The following PACS2 variants were observed in gnomAD, a reference collection of about 807,000 sequenced individuals.
PACS2 encodes PACS1-like protein.
A neutral mutation model predicts 113.0 loss-of-function variants in PACS2; 36 were observed. The observed-to-expected ratio is 0.32, with a 90% confidence interval of 0.24 to 0.42. PACS2 has a LOEUF of 0.42. Ranked by LOEUF, PACS2 falls within the 10% of genes least tolerant of loss-of-function variation. The pLI is 1.00. For synonymous variants in PACS2, 589 were observed against 536.1 expected (o/e 1.10, Z -1.36); for missense variants, 1,015 against 1,239.5 (o/e 0.82, Z 2.72).
intron 4 of PACS2, among the ~76,000 whole-genome samples, chr14:105,364,319 G>GCGGTGGGTGGTGTCCCGGGTGCA (rs1481467943): frequency 0.04 from 5,382 of 133,990 alleles, 761 homozygotes; most frequent in African/African-American, 0.19. Flanking sequence ...TCCCGGGTGC[G>GCGGTGGGTGGTGTCCCGGGTGCA]CGGTGGGCGG....
chr14:105,394,715 G>A lies in PACS2; in HGVS notation c.*43G>A. On this transcript the variant is annotated 3_prime_UTR_variant, in exon 25 of 25. Coordinates refer to ENST00000447393, the MANE Select transcript of PACS2 (RefSeq NM_001100913.3). Reference sequence around the variant, plus strand: ...CCCACCTCCTGCCCCATGCTGTGAGGGGCCCAGCTGCATTTCTGTTAACAT... The same window carrying A: ...CCCACCTCCTGCCCCATGCTGTGAGAGGCCCAGCTGCATTTCTGTTAACAT... 8.4e-7 allele frequency: 1 copy of A among 1,187,122 alleles called. No homozygotes were observed. Among genetic ancestry groups the A allele is most frequent in the Non-Finnish European group, 1.3e-6 (1 of 791,172 alleles). 73.5% of individuals were successfully genotyped at this position (1,187,122 alleles called of 1,614,324 possible). A position where few individuals can be genotyped will look rare whatever the true frequency, so the allele number is the denominator to read the frequency against.
intron 9 of PACS2, among the ~76,000 whole-genome samples, chr14:105,377,500 C>A (rs1340615605): frequency 6.6e-6 from 1 of 152,156 alleles, no homozygotes; most frequent in Non-Finnish European, 1.5e-5. Context: ...GGAAGGCAAG[C>A]ACACCAGGCA....
At chr14:105,301,475 G>A (rs2058023779) in intron 1 of PACS2, among the ~76,000 whole-genome samples, 2 of 151,710 alleles carry the variant, frequency 1.3e-5, no homozygotes, top group Non-Finnish European at 2.9e-5. Context: ...TCCTGAGGGC[G>A]ACCTGGGACC....
At chr14:105,393,661 C>G (rs1240842525) in intron 24 of PACS2, 1 of 217,072 alleles carries the variant, frequency 4.6e-6, no homozygotes, top group Non-Finnish European at 9.0e-6. Context: ...GTGATCTCAG[C>G]TCACTGCAAC....
intron 1 of PACS2, among the ~76,000 whole-genome samples, chr14:105,327,660 T>C (rs1032569244): frequency 6.6e-6 from 1 of 152,206 alleles, no homozygotes. Context: ...GCCAGGCTCT[T>C]GGACTGCACC....
chr14:105,374,184 C>G (rs587769446), intron 8 of PACS2, among the ~76,000 whole-genome samples: 27 of 150,356 alleles, frequency 1.8e-4, no homozygotes, highest in African/African-American at 5.9e-4. Flanking sequence ...TGAAATGGAT[C>G]AAATATCTCC....
intron 1 of PACS2, among the ~76,000 whole-genome samples, chr14:105,332,671 C>G (rs2059349313): frequency 6.6e-6 from 1 of 152,196 alleles, no homozygotes. Context: ...TCTGCGGGGC[C>G]TCTGCCTGGT....
At chr14:105,344,330 C>T (rs1428182795) in intron 1 of PACS2, among the ~76,000 whole-genome samples, 1 of 151,608 alleles carries the variant, frequency 6.6e-6, no homozygotes, top group Non-Finnish European at 1.5e-5. Flanking sequence ...TCACTCTGTC[C>T]CCCAGGCTGG....
intron 1 of PACS2, among the ~76,000 whole-genome samples, chr14:105,305,819 C>G (rs780211012): frequency 3.3e-5 from 5 of 152,262 alleles, no homozygotes; most frequent in Non-Finnish European, 7.3e-5. Context: ...CCTCAGAGCA[C>G]CCACACTGGG....
At position 105,329,774 on chromosome 14, in the gene PACS2, C is replaced by T. The variant is rs2059235845; in HGVS notation, c.119+14737C>T. On this transcript the variant is annotated intron_variant, in intron 1 of 24. Coordinates refer to ENST00000447393, the MANE Select transcript of PACS2 (RefSeq NM_001100913.3). The surrounding 1 kb of genome is among the most constrained non-coding windows in gnomAD (Gnocchi z 6.4). ...GACTGCAGGCAGCAGCAAACTCTGC[C>T]GTGTGGTACTGCTTCTCATGGACAG... Among the ~76,000 whole-genome samples, 1 of 152,180 alleles carries T rather than the reference C, an allele frequency of 6.6e-6. No homozygotes were observed. The highest frequency in any genetic ancestry group is 1.5e-5 in the Non-Finnish European group (1 of 68,036).
At chr14:105,346,480 A>G (rs1555402622) in intron 1 of PACS2, among the ~76,000 whole-genome samples, 1 of 36,170 alleles carries the variant, frequency 2.8e-5, no homozygotes, top group East Asian at 8.5e-4. Context: ...CCCCGCCCAC[A>G]CAACATCCCC....
At chr14:105,359,812 C>T (rs1431580005) in intron 4 of PACS2, among the ~76,000 whole-genome samples, 2 of 152,066 alleles carry the variant, frequency 1.3e-5, no homozygotes, top group Non-Finnish European at 2.9e-5. Context: ...AAGATGGTCT[C>T]GATCTCCTGA....
At position 105,320,728 on chromosome 14, in the gene PACS2, C is replaced by T. The variant is rs139764546; in HGVS notation, c.119+5691C>T. The stretch of plus-strand genomic sequence containing the variant: ...TATGTGCTTCCTTTCTTCTGTAGTC[C>T]TTAGCAGATTTTGGCGCTAAGATTT... On this transcript the variant is annotated intron_variant, in intron 1 of 24. Coordinates refer to ENST00000447393, the MANE Select transcript of PACS2 (RefSeq NM_001100913.3). 2.1e-3 allele frequency among the ~76,000 whole-genome samples: 314 copies of T among 152,334 alleles called. 1 individual carries two copies. The highest frequency in any genetic ancestry group is 6.6e-3 in the African/African-American group (276 of 41,574).
intron 2 of PACS2, among the ~76,000 whole-genome samples, chr14:105,349,055 G>C (rs2060051589): frequency 6.6e-6 from 1 of 152,234 alleles, no homozygotes; most frequent in African/African-American, 2.4e-5. Flanking sequence ...CCTCTCGAAG[G>C]CTTTGAACAA....
In PACS2 at chr14:105,382,532, A is replaced by G; in HGVS notation, c.1469A>G (p.Gln490Arg). The part of the protein sequence containing the change: ...QLNHILISDD[Q>R]LPENIILVNT... ...AACCACATCCTCATCTCCGATGACC[A>G]GCTTCCCGAAAACATCATCCTTGTC... The change falls in exon 14 of 25, where the codon CAG becomes CGG. Residue 490 changes from glutamine to arginine, a missense_variant. Physicochemically the swap from Gln to Arg is conservative, Grantham distance 43. Around this residue, in one of 3 missense-constraint regions of PACS2, gnomAD observed 859 missense variants for 1,056.8 expected, o/e 0.81. Transcript: ENST00000447393. 1 of 1,613,614 alleles carries G rather than the reference A, an allele frequency of 6.2e-7. No individual in the cohort carries two copies. Among genetic ancestry groups the G allele is most frequent in the South Asian group, 1.1e-5 (1 of 91,080 alleles).
chr14:105,383,630 C>T (rs587625837), intron 16 of PACS2, 117 bp downstream of exon 16: 17 of 937,774 alleles, frequency 1.8e-5, no homozygotes, highest in South Asian at 3.4e-5. Context: ...CGCGGTGTGT[C>T]GTGGTGTGGC....
chr14:105,375,305 C>T (rs1566953877), intron 8 of PACS2, among the ~76,000 whole-genome samples: 1 of 151,982 alleles, frequency 6.6e-6, no homozygotes, highest in Non-Finnish European at 1.5e-5. Context: ...CGGTGAAACC[C>T]CATCTCTACT....
chr14:105,366,865 G>A lies in PACS2; in HGVS notation c.424-348G>A, dbSNP rs2060959187. ...ACAGCAGTCGTGCCTGAGATCAGGA[G>A]GGCCGCGGACACCCCTGTCTGTCCA... On this transcript the variant is annotated intron_variant, in intron 4 of 24. Coordinates refer to ENST00000447393, the MANE Select transcript of PACS2 (RefSeq NM_001100913.3). This position sits in a 1 kb window ranked among gnomAD's most constrained non-coding sequence, Gnocchi z 4.3. 6.6e-6 allele frequency among the ~76,000 whole-genome samples: 1 copy of A among 152,202 alleles called. No individual in the cohort carries two copies. Among genetic ancestry groups the A allele is most frequent in the African/African-American group, 2.4e-5 (1 of 41,460 alleles).
chr14:105,394,470 C>A, intron 24 of PACS2, 84 bp from the exon 25 acceptor site: 1 of 1,587,126 alleles, frequency 6.3e-7, no homozygotes. Context: ...CGGCTGCCAC[C>A]CAGCCTGGTG....
Sources: allele counts gnomAD v4.1 joint callset (sites outside exome capture counted in the v4.1 genomes callset), GRCh38; gene constraint gnomAD v4.1.1; regional missense constraint gnomAD v4.1.1; non-coding constraint Gnocchi (gnomAD v3.1); transcripts MANE v1.5; gene names NCBI Gene and HGNC (gene_info 2026-07-23, HGNC 2026-07-21).